Variants in EPS8 observed in about 807,000 individuals in gnomAD.
EPS8 encodes epidermal growth factor receptor kinase substrate 8.
In EPS8, 42 loss-of-function variants were observed where a neutral mutation model predicts 103.8. That is an observed-to-expected ratio of 0.40 (90% confidence interval 0.32 to 0.52). The LOEUF (loss-of-function observed/expected upper bound fraction) is 0.52, where lower values mean the gene tolerates loss of function less well. Among genes scored for constraint, EPS8 ranks in the 20% least tolerant of loss-of-function variants. EPS8 has a pLI of 0.40. For missense variants in EPS8, 969 were observed against 1,005.1 expected (o/e 0.96, Z 0.49); for synonymous variants, 344 against 344.6 (o/e 1.00, Z 0.02).
At chr12:15,689,341 A>T in intron 1 of EPS8, among the ~76,000 whole-genome samples, 1 of 78,366 alleles carries the variant, frequency 1.3e-5, no homozygotes, top group South Asian at 7.8e-4. Context: ...TTTAATGCTA[A>T]ATATCCTTTT....
chr12:15,632,744 A>C (rs1254474547), intron 17 of EPS8, among the ~76,000 whole-genome samples: 3 of 152,116 alleles, frequency 2.0e-5, no homozygotes, highest in Non-Finnish European at 4.4e-5. Context: ...TTCCACAGAG[A>C]TCAAAAACAA....
chr12:15,685,497 C>T (rs1335541493), intron 1 of EPS8, among the ~76,000 whole-genome samples: 3 of 152,186 alleles, frequency 2.0e-5, no homozygotes, highest in African/African-American at 4.8e-5. Flanking sequence ...GTGATAGCCA[C>T]AGCATCTCAT....
intron 1 of EPS8, chr12:15,683,971 T>C (rs1390854150): frequency 6.6e-6 from 1 of 152,140 alleles, no homozygotes; most frequent in African/African-American, 2.4e-5. Context: ...CATGAACAAA[T>C]ATTGATTATT....
Position 15,714,033 on chromosome 12 carries a change from G to A in EPS8, c.-21-31061C>T, listed in dbSNP as rs970677740. On this transcript the variant is annotated intron_variant, in intron 1 of 20. Transcript: ENST00000281172. This position sits in a 1 kb window ranked among gnomAD's most constrained non-coding sequence, Gnocchi z 4.1. Reference sequence around the variant, plus strand: ...AACAAACACAAAACTATTTTAAAGTGATGAGAGGTAAACAAGGCCCCACGG... The same window carrying A: ...AACAAACACAAAACTATTTTAAAGTAATGAGAGGTAAACAAGGCCCCACGG... Among the ~76,000 whole-genome samples, 1 of 152,054 alleles carries A rather than the reference G, an allele frequency of 6.6e-6. No individual in the cohort carries two copies. Among genetic ancestry groups the A allele is most frequent in the Non-Finnish European group, 1.5e-5 (1 of 68,012 alleles).
At chr12:15,650,466 A>T (rs986057757) in intron 14 of EPS8, among the ~76,000 whole-genome samples, 1 of 152,166 alleles carries the variant, frequency 6.6e-6, no homozygotes, top group Non-Finnish European at 1.5e-5. Flanking sequence ...AGGAAAACAT[A>T]AAGAAATAAG....
chr12:15,732,481 C>A (rs1946727572), intron 1 of EPS8, among the ~76,000 whole-genome samples: 1 of 152,160 alleles, frequency 6.6e-6, no homozygotes, highest in Non-Finnish European at 1.5e-5. Context: ...ACACTACACC[C>A]CTTTTACAAC....
intron 18 of EPS8, among the ~76,000 whole-genome samples, chr12:15,628,086 G>A (rs1433291385): frequency 4.1e-5 from 5 of 122,534 alleles, no homozygotes; most frequent in African/African-American, 1.6e-4. Flanking sequence ...AAGGGGAAAA[G>A]GGGAGGGAGG....
intron 3 of EPS8, among the ~76,000 whole-genome samples, 191 bp from the exon 4 acceptor site, chr12:15,671,114 A>G (rs1389984503): frequency 1.3e-5 from 2 of 152,154 alleles, no homozygotes. Context: ...GAAAGTCTAA[A>G]TAATAGGCAA....
At chr12:15,707,496 A>G (rs1485334920) in intron 1 of EPS8, among the ~76,000 whole-genome samples, 2 of 152,054 alleles carry the variant, frequency 1.3e-5, no homozygotes, top group Non-Finnish European at 2.9e-5. Context: ...TTTCAGTATA[A>G]CAAACACTAA....
rs1292918254 is a variant in EPS8, at chr12:15,764,329, TTGGGTGGG to T, written c.-22+24824_-22+24831del. 1.3e-5 allele frequency among the ~76,000 whole-genome samples: 2 copies of T among 152,162 alleles called. No homozygotes were observed. Among genetic ancestry groups the T allele is most frequent in the Admixed American group, 6.5e-5 (1 of 15,280 alleles). On this transcript the variant is annotated intron_variant, in intron 1 of 20. Coordinates refer to ENST00000281172, the MANE Select transcript of EPS8 (RefSeq NM_004447.6). The surrounding 1 kb of genome is among the most constrained non-coding windows in gnomAD (Gnocchi z 4.1). ...TGCAAGCTACAATTCAAGATGAGCT[TTGGGTGGG>T]GACACAGTGAAACCATATCAATCAG...
At chr12:15,744,317 C>T (rs907539500) in intron 1 of EPS8, among the ~76,000 whole-genome samples, 1 of 152,184 alleles carries the variant, frequency 6.6e-6, no homozygotes, top group Non-Finnish European at 1.5e-5. Flanking sequence ...CTATGAGATA[C>T]CATGTGATAG....
In EPS8 at chr12:15,647,145, G is replaced by C; in HGVS notation, c.1550C>G (p.Ser517Cys). ...ATGTTACCTATCTATATGGCGATTAGAAGTTGGCTTAAAAGCAACAGCAGC... is the reference window on the plus strand; with the variant it reads ...ATGTTACCTATCTATATGGCGATTACAAGTTGGCTTAAAAGCAACAGCAGC... ...GEAAVAFKPT[S>C]NRHIDRNYEP... Residue 517 changes from serine to cysteine, a missense_variant, in exon 15 of 21, where the codon TCT becomes TGT. Physicochemically the swap from Ser to Cys is moderately radical, Grantham distance 112. Coordinates refer to ENST00000281172, the MANE Select transcript of EPS8 (RefSeq NM_004447.6). The C allele has an allele frequency of 6.2e-7, 1 of 1,613,816 alleles. No homozygotes were observed. Among genetic ancestry groups the C allele is most frequent in the East Asian group, 2.2e-5 (1 of 44,866 alleles).
chr12:15,702,690 C>A lies in EPS8; in HGVS notation c.-21-19718G>T, dbSNP rs138392044. ...CTATATCCAAAACACATATCCAATA[C>A]AATATATAAATATGAAGAAAAAAAT... On this transcript the variant is annotated intron_variant, in intron 1 of 20. Transcript: ENST00000281172. This position sits in a 1 kb window ranked among gnomAD's most constrained non-coding sequence, Gnocchi z 5.1. Among the ~76,000 whole-genome samples the A allele has an allele frequency of 3.9e-3, 574 of 146,532 alleles. 1 individual carries two copies. The highest frequency in any genetic ancestry group is 0.014 in the African/African-American group (519 of 36,452).
Position 15,734,197 on chromosome 12 carries a change from G to A in EPS8, c.-21-51225C>T, listed in dbSNP as rs1201265825. Among the ~76,000 whole-genome samples, 10 of 152,134 alleles carry A rather than the reference G, an allele frequency of 6.6e-5. No individual in the cohort carries two copies. In the East Asian group the frequency reaches 1.9e-3, roughly 29 times the overall value. Reference sequence around the variant, plus strand: ...ACAATGCCTTCAAAAATTTTCAAGTGATGTGTAGTTCTAAAAATGTCAATG... The same window carrying A: ...ACAATGCCTTCAAAAATTTTCAAGTAATGTGTAGTTCTAAAAATGTCAATG... On this transcript the variant is annotated intron_variant, in intron 1 of 20. Transcript: ENST00000281172. This position sits in a 1 kb window ranked among gnomAD's most constrained non-coding sequence, Gnocchi z 4.1.
chr12:15,727,785 G>A lies in EPS8; in HGVS notation c.-21-44813C>T, dbSNP rs1041067471. Among the ~76,000 whole-genome samples the A allele has an allele frequency of 1.3e-5, 2 of 152,174 alleles. No individual in the cohort carries two copies. Among genetic ancestry groups the A allele is most frequent in the African/African-American group, 4.8e-5 (2 of 41,438 alleles). On this transcript the variant is annotated intron_variant, in intron 1 of 20. Transcript: ENST00000281172. The surrounding 1 kb of genome is among the most constrained non-coding windows in gnomAD (Gnocchi z 4.3). ...AGGCAGGAGAATCACTCGAACCTGG[G>A]AGGTGGAGGTTGCAGTGAGCCAAGG...
rs1194003635 is a variant in EPS8 at position 15,688,767 on chromosome 12, C to T, written c.-21-5795G>A. On this transcript the variant is annotated intron_variant, in intron 1 of 20. Transcript: ENST00000281172. This position sits in a 1 kb window ranked among gnomAD's most constrained non-coding sequence, Gnocchi z 5.1. The stretch of plus-strand genomic sequence containing the variant: ...AAGCCCACGTGTGATCCGATTCTTC[C>T]CATACGCCAAGGCAATAACCCCAGG... Among the ~76,000 whole-genome samples, 4 of 152,154 alleles carry T rather than the reference C, an allele frequency of 2.6e-5. No homozygotes were observed. The highest frequency in any genetic ancestry group is 7.2e-5 in the African/African-American group (3 of 41,426).
chr12:15,671,008 T>C, intron 3 of EPS8, 85 bp from the exon 4 acceptor site: 4 of 927,882 alleles, frequency 4.3e-6, no homozygotes, highest in Non-Finnish European at 7.0e-6. Flanking sequence ...TCTCTAAAAC[T>C]AGTCTATCTC....
intron 1 of EPS8, among the ~76,000 whole-genome samples, chr12:15,770,512 AG>A (rs937712567): frequency 1.3e-5 from 2 of 152,096 alleles, no homozygotes; most frequent in Admixed American, 1.3e-4. Flanking sequence ...TGCTCTAATG[AG>A]GGGAAAGGAT....
intron 1 of EPS8, among the ~76,000 whole-genome samples, chr12:15,788,700 G>A (rs896696444): frequency 1.3e-5 from 2 of 152,158 alleles, no homozygotes; most frequent in African/African-American, 4.8e-5. Context: ...ACGGGGGTGG[G>A]ACCCTGCCCT....
Sources: allele counts gnomAD v4.1 joint callset (sites outside exome capture counted in the v4.1 genomes callset), GRCh38; gene constraint gnomAD v4.1.1; non-coding constraint Gnocchi (gnomAD v3.1); transcripts MANE v1.5; gene names NCBI Gene and HGNC (gene_info 2026-07-23, HGNC 2026-07-21).